The following SGCD variants were observed in gnomAD, a reference collection of about 807,000 sequenced individuals.
The protein encoded by SGCD is sarcoglycan delta, also known as delta-sarcoglycan.
Under a neutral mutation model 36.6 loss-of-function variants are expected in SGCD, and 18 were observed. The observed-to-expected ratio is 0.49, with a 90% CI of 0.34 to 0.73. The LOEUF is 0.73. SGCD is among the 30% of genes least tolerant of loss of function. The pLI is 0.01. For synonymous variants in SGCD, 133 were observed against 130.6 expected, an observed-to-expected ratio of 1.02 and a Z score of -0.12; for missense variants, 387 against 346.7, an observed-to-expected ratio of 1.12 and a Z score of -0.92.
At chr5:155,974,254 T>C (rs1276629853) in intron 1 of SGCD, among the ~76,000 whole-genome samples, 1 of 152,086 alleles carries the variant, frequency 6.6e-6, no homozygotes, top group Non-Finnish European at 1.5e-5. Context: ...TAGAGGAAAT[T>C]GAGACCCAGG....
chr5:156,163,588 A>G (rs1265620077), intron 3 of SGCD, among the ~76,000 whole-genome samples: 3 of 151,500 alleles, frequency 2.0e-5, no homozygotes, highest in Non-Finnish European at 4.4e-5. Context: ...TTCTGTCCTG[A>G]GGTAGTACAT....
At chr5:156,221,755 G>A (rs1304736636) in intron 3 of SGCD, among the ~76,000 whole-genome samples, 2 of 151,926 alleles carry the variant, frequency 1.3e-5, no homozygotes, top group East Asian at 3.9e-4. Flanking sequence ...TTTTTTGAAA[G>A]TTTTAAAGTG....
intron 3 of SGCD, among the ~76,000 whole-genome samples, chr5:156,155,993 T>G (rs1762952848): frequency 6.6e-6 from 1 of 151,708 alleles, no homozygotes; most frequent in Non-Finnish European, 1.5e-5. Context: ...AAAAATCAAT[T>G]GACCTGCCAA....
chr5:156,613,122 T>C (rs1011420776), intron 6 of SGCD, among the ~76,000 whole-genome samples: 2 of 152,242 alleles, frequency 1.3e-5, no homozygotes, highest in Non-Finnish European at 2.9e-5. Flanking sequence ...ACAGGGATCT[T>C]GCCACTGCCC....
intron 3 of SGCD, among the ~76,000 whole-genome samples, chr5:156,423,180 A>AAT (rs1275242268): frequency 4.4e-3 from 24 of 5,508 alleles, no homozygotes; most frequent in East Asian, 0.02. Flanking sequence ...TAATATAATT[A>AAT]ATTATATAAT....
chr5:156,239,483 T>C (rs1375505806), intron 3 of SGCD, among the ~76,000 whole-genome samples: 3 of 151,960 alleles, frequency 2.0e-5, no homozygotes, highest in Non-Finnish European at 4.4e-5. Context: ...AAAATACTTT[T>C]TAAAAAAATC....
At chr5:155,887,009 C>G (rs1383777014) in intron 1 of SGCD, among the ~76,000 whole-genome samples, 1 of 152,114 alleles carries the variant, frequency 6.6e-6, no homozygotes, top group South Asian at 2.1e-4. Flanking sequence ...GATGACATCC[C>G]CAGAAGGAAA....
the SGCD span, among the ~76,000 whole-genome samples, chr5:155,840,978 T>C: frequency 8.4e-6 from 1 of 119,498 alleles, no homozygotes; most frequent in Non-Finnish European, 1.6e-5. Context: ...ACCACTATAC[T>C]CCAGTCTGCG....
intron 3 of SGCD, among the ~76,000 whole-genome samples, chr5:156,269,654 G>A (rs1275718292): frequency 6.6e-6 from 1 of 151,908 alleles, no homozygotes; most frequent in Non-Finnish European, 1.5e-5. Context: ...ATTTGGGTGG[G>A]GACACAGCCA....
chr5:156,718,884 T>A (rs1755350622), intron 7 of SGCD, among the ~76,000 whole-genome samples: 1 of 150,478 alleles, frequency 6.6e-6, no homozygotes, highest in African/African-American at 2.5e-5. Context: ...CGTATTATAT[T>A]ATATATATAT....
chr5:155,936,031 G>A (rs1462614763), intron 1 of SGCD, among the ~76,000 whole-genome samples: 2 of 152,152 alleles, frequency 1.3e-5, no homozygotes, highest in South Asian at 2.1e-4. Flanking sequence ...GCTGACACCA[G>A]GGAATGCTGT....
chr5:156,336,116 A>G (rs1306561422), intron 2 of SGCD, among the ~76,000 whole-genome samples: 3 of 152,098 alleles, frequency 2.0e-5, no homozygotes, highest in African/African-American at 7.2e-5. Flanking sequence ...TGCCCAAGCT[A>G]ATTTTCAAAC....
At chr5:156,103,924 A>G (rs964783127) in intron 1 of SGCD, among the ~76,000 whole-genome samples, 1 of 152,046 alleles carries the variant, frequency 6.6e-6, no homozygotes, top group Non-Finnish European at 1.5e-5. Flanking sequence ...CTCTATAACC[A>G]TTGGCAATTT....
intron 4 of SGCD, among the ~76,000 whole-genome samples, chr5:156,581,517 G>A (rs552522317): frequency 6.6e-6 from 1 of 152,284 alleles, no homozygotes; most frequent in South Asian, 2.1e-4. Flanking sequence ...GCTATACCCT[G>A]CCCCCTGAGT....
intron 3 of SGCD, among the ~76,000 whole-genome samples, chr5:156,307,113 A>G (rs1767236013): frequency 6.7e-6 from 1 of 150,196 alleles, no homozygotes. Context: ...ACAAACACAG[A>G]TAACTGCAGG....
At chr5:156,196,029 G>A (rs146786005) in intron 3 of SGCD, among the ~76,000 whole-genome samples, 1,695 of 152,136 alleles carry the variant, frequency 0.011, 18 homozygotes, top group Non-Finnish European at 0.018. Context: ...ATCCAAGGAG[G>A]GCCCCTTTTC....
intron 1 of SGCD, among the ~76,000 whole-genome samples, chr5:155,874,634 A>G (rs998321795): frequency 5.3e-5 from 8 of 152,172 alleles, no homozygotes; most frequent in Non-Finnish European, 1.2e-4. Flanking sequence ...AGGAACATGA[A>G]CGTGAATGGA....
At chr5:156,233,621 G>A (rs1478812352) in intron 3 of SGCD, among the ~76,000 whole-genome samples, 2 of 152,190 alleles carry the variant, frequency 1.3e-5, no homozygotes, top group Admixed American at 1.3e-4. Flanking sequence ...TCACATTTTT[G>A]TGTGCAACTA....
At chr5:156,011,449 G>GC (rs531891088) in intron 1 of SGCD, among the ~76,000 whole-genome samples, 13 of 145,486 alleles carry the variant, frequency 8.9e-5, no homozygotes, top group African/African-American at 3.3e-4. Flanking sequence ...GAATTCTATT[G>GC]TTTTTTTTTT....
Sources: gnomAD v4.1 joint callset for allele counts (sites outside exome capture counted in the v4.1 genomes callset) on GRCh38, gnomAD v4.1.1 for gene constraint, MANE v1.5 for transcripts, NCBI Gene and HGNC (gene_info 2026-07-23, HGNC 2026-07-21) for gene names.